GPR89B: variants seen among roughly 807,000 people sequenced by gnomAD.
GPR89B encodes golgi pH regulator B.
Under a neutral mutation model 52.4 loss-of-function variants are expected in GPR89B, and 25 were observed. The observed-to-expected ratio is 0.48, with a 90% CI of 0.35 to 0.67. The LOEUF is 0.67. Among genes scored for constraint, GPR89B ranks in the 30% least tolerant of loss-of-function variants. GPR89B has a pLI of 0.01. For synonymous variants in GPR89B, 52 were observed against 151.2 expected, an observed-to-expected ratio of 0.34 and a Z score of 4.81; for missense variants, 146 against 450.2, an observed-to-expected ratio of 0.32 and a Z score of 6.11.
the GPR89B span, among the ~76,000 whole-genome samples, chr1:147,999,330 C>T: frequency 7.3e-5 from 11 of 151,542 alleles, no homozygotes; most frequent in South Asian, 2.1e-4. Flanking sequence ...ATGTGTGGCC[C>T]GGGCGTGTTG....
intron 10 of GPR89B, among the ~76,000 whole-genome samples, chr1:147,983,396 A>G (rs1434759744): frequency 4.6e-5 from 7 of 152,148 alleles, no homozygotes; most frequent in Non-Finnish European, 7.4e-5. Flanking sequence ...GGCAACCTAC[A>G]GAATGGGAGA....
At chr1:147,943,592 T>A in intron 4 of GPR89B, 48 bp downstream of exon 4, 1 of 1,598,700 alleles carries the variant, frequency 6.3e-7, no homozygotes, top group Admixed American at 1.7e-5. Flanking sequence ...GATGAGTATT[T>A]GAGGGGACTT....
intron 1 of GPR89B, among the ~76,000 whole-genome samples, chr1:147,932,215 C>T (rs150598408): frequency 0.022 from 3,320 of 151,868 alleles, 50 homozygotes; most frequent in Non-Finnish European, 0.035. Context: ...CTGTCTCCAC[C>T]GGTAAATATT....
At chr1:147,962,873 G>A (rs1656707103) in intron 7 of GPR89B, among the ~76,000 whole-genome samples, 1 of 150,108 alleles carries the variant, frequency 6.7e-6, no homozygotes, top group African/African-American at 2.5e-5. Context: ...TCCAGCCTGG[G>A]CAACAGAGCG....
chr1:147,945,356 G>A (rs1314944387), intron 5 of GPR89B, among the ~76,000 whole-genome samples: 10 of 149,568 alleles, frequency 6.7e-5, no homozygotes, highest in African/African-American at 2.5e-4. Flanking sequence ...GCTGGAAAAG[G>A]ATATTGGAAT....
chr1:148,021,463 T>G, the GPR89B span, among the ~76,000 whole-genome samples: 1 of 151,610 alleles, frequency 6.6e-6, no homozygotes. Context: ...GATCGCGCCA[T>G]TGCACTCCAG....
chr1:147,943,311 G>A, intron 3 of GPR89B, 127 bp from the exon 4 acceptor site: 1 of 1,424,680 alleles, frequency 7.0e-7, no homozygotes. Context: ...TAAGAGCCTA[G>A]TAGGCTGATT....
At chr1:148,018,542 A>G in the GPR89B span, among the ~76,000 whole-genome samples, 1 of 151,562 alleles carries the variant, frequency 6.6e-6, no homozygotes, top group Admixed American at 6.6e-5. Flanking sequence ...CATCTCCAAC[A>G]TAACACTAAT....
intron 8 of GPR89B, chr1:147,968,260 GA>G (rs1657175277): frequency 4.4e-6 from 2 of 453,700 alleles, no homozygotes; most frequent in African/African-American, 4.0e-5. Context: ...GGCTTTGGAG[GA>G]AAAGAGGATT....
intron 11 of GPR89B, among the ~76,000 whole-genome samples, chr1:147,986,872 C>T (rs2149093403): frequency 6.6e-6 from 1 of 150,436 alleles, no homozygotes; most frequent in Middle Eastern, 3.4e-3. Context: ...TAAATACACC[C>T]TTGTCCTAAT....
At chr1:148,012,198 A>G in the GPR89B span, 1 of 151,966 alleles carries the variant, frequency 6.6e-6, no homozygotes, top group Non-Finnish European at 1.5e-5. Context: ...GTAATCTGAG[A>G]ATTTCCTGAG....
At chr1:148,008,202 C>T in the GPR89B span, among the ~76,000 whole-genome samples, 2 of 152,234 alleles carry the variant, frequency 1.3e-5, no homozygotes, top group Non-Finnish European at 2.9e-5. Flanking sequence ...CTCAGCATTT[C>T]TCCTGCTACC....
the GPR89B span, chr1:148,009,225 A>G: frequency 2.6e-6 from 3 of 1,151,234 alleles, no homozygotes; most frequent in East Asian, 2.4e-5. Flanking sequence ...GTTGCAAGCT[A>G]TCTATAGCAA....
chr1:147,941,515 T>C (rs1480777695), intron 3 of GPR89B, among the ~76,000 whole-genome samples: 2 of 151,542 alleles, frequency 1.3e-5, no homozygotes, highest in Admixed American at 6.6e-5. Flanking sequence ...TCGTGATGCC[T>C]GCCATCTGTA....
chr1:147,959,425 T>C (rs1656372601), intron 7 of GPR89B, among the ~76,000 whole-genome samples: 1 of 151,994 alleles, frequency 6.6e-6, no homozygotes, highest in African/African-American at 2.4e-5. Context: ...GAAAAAATAT[T>C]AAAAGCAAGT....
chr1:147,952,617 C>T (rs1186540239), intron 5 of GPR89B, among the ~76,000 whole-genome samples: 1 of 152,058 alleles, frequency 6.6e-6, no homozygotes, highest in African/African-American at 2.4e-5. Flanking sequence ...AAGTGAAAAC[C>T]AATTAAAACC....
intron 8 of GPR89B, chr1:147,968,454 A>G: frequency 4.5e-6 from 2 of 442,402 alleles, no homozygotes; most frequent in Non-Finnish European, 9.0e-6. Flanking sequence ...CCTAGCCTAT[A>G]TTAGAACACA....
In GPR89B at chr1:147,973,749, A is replaced by G. The variant is rs1352492488; in HGVS notation, c.909+3790A>G. On this transcript the variant is annotated intron_variant, in intron 10 of 13. Transcript: ENST00000314163. ...TTGTCATGAAACCTTTGCCTGTGCC[A>G]TGTCCTGAATGGTATTGCCTAGATT... Among the ~76,000 whole-genome samples the G allele has an allele frequency of 8.5e-5, 13 of 152,054 alleles. 1 individual carries two copies. The Middle Eastern group carries it at 0.01, about 119-fold the overall frequency.
At chr1:147,980,594 G>C (rs1658164968) in intron 10 of GPR89B, among the ~76,000 whole-genome samples, 1 of 143,578 alleles carries the variant, frequency 7.0e-6, no homozygotes, top group South Asian at 2.3e-4. Flanking sequence ...CTCATTTAGT[G>C]TATGATGCAG....
Sources: allele counts gnomAD v4.1 joint callset (sites outside exome capture counted in the v4.1 genomes callset), GRCh38; gene constraint gnomAD v4.1.1; transcripts MANE v1.5; gene names NCBI Gene and HGNC (gene_info 2026-07-23, HGNC 2026-07-21).